The following TBL1XR1 variants were observed in gnomAD, a reference collection of about 807,000 sequenced individuals.
TBL1XR1 encodes F-box-like/WD repeat-containing protein TBL1XR1.
In TBL1XR1, 5 loss-of-function variants were observed where a neutral mutation model predicts 66.9. That is an observed-to-expected ratio of 0.07 (90% CI 0.04 to 0.16). TBL1XR1 has a LOEUF of 0.16. Among genes scored for constraint, TBL1XR1 ranks in the 10% least tolerant of loss-of-function variants. TBL1XR1 has a pLI of 1.00. For missense variants in TBL1XR1, 238 were observed against 623.2 expected (o/e 0.38, Z 6.58); for synonymous variants, 210 against 206.0 (o/e 1.02, Z -0.17).
intron 1 of TBL1XR1, among the ~76,000 whole-genome samples, chr3:177,155,098 T>C (rs1731334745): frequency 6.6e-6 from 1 of 152,096 alleles, no homozygotes; most frequent in African/African-American, 2.4e-5. Flanking sequence ...CCAAAAATAG[T>C]AAAATGCAGC....
chr3:177,129,066 A>G (rs761803525), intron 1 of TBL1XR1, among the ~76,000 whole-genome samples: 4 of 152,224 alleles, frequency 2.6e-5, no homozygotes, highest in Non-Finnish European at 4.4e-5. Context: ...TGATGACATT[A>G]AAGTGTAATC....
intron 1 of TBL1XR1, among the ~76,000 whole-genome samples, chr3:177,166,247 A>G (rs1198545375): frequency 6.6e-6 from 1 of 152,174 alleles, no homozygotes; most frequent in East Asian, 1.9e-4. Context: ...TAACAATGAT[A>G]ATGAGATAAA....
intron 1 of TBL1XR1, among the ~76,000 whole-genome samples, chr3:177,107,096 T>C (rs570198474): frequency 6.6e-6 from 1 of 151,976 alleles, no homozygotes; most frequent in Non-Finnish European, 1.5e-5. Flanking sequence ...TAGAATGCAA[T>C]AGGCCTCTTT....
At chr3:177,058,394 T>C (rs1278788786) in intron 3 of TBL1XR1, among the ~76,000 whole-genome samples, 1 of 152,232 alleles carries the variant, frequency 6.6e-6, no homozygotes, top group Non-Finnish European at 1.5e-5. Flanking sequence ...ACACTAGCTA[T>C]AAAATTTCGT....
At chr3:177,184,205 CA>C (rs1735147321) in intron 1 of TBL1XR1, among the ~76,000 whole-genome samples, 1 of 152,110 alleles carries the variant, frequency 6.6e-6, no homozygotes, top group African/African-American at 2.4e-5. Flanking sequence ...CAACTGCAAC[CA>C]AAAATAGCAT....
At chr3:177,175,496 G>A (rs548172662) in intron 1 of TBL1XR1, among the ~76,000 whole-genome samples, 14 of 152,204 alleles carry the variant, frequency 9.2e-5, no homozygotes, top group African/African-American at 3.4e-4. Context: ...CCTGGAAAAC[G>A]CAAATGTTTT....
At chr3:177,082,460 C>T (rs1359300745) in intron 2 of TBL1XR1, among the ~76,000 whole-genome samples, 3 of 151,422 alleles carry the variant, frequency 2.0e-5, no homozygotes, top group Non-Finnish European at 4.4e-5. Context: ...TTACTTTTCT[C>T]TCATCCCCAC....
At chr3:177,084,098 A>G (rs1560155830) in intron 2 of TBL1XR1, among the ~76,000 whole-genome samples, 2 of 150,586 alleles carry the variant, frequency 1.3e-5, no homozygotes, top group East Asian at 1.9e-4. Flanking sequence ...AAAAAAAAAA[A>G]AAAAGAAAAA....
chr3:177,177,625 A>G (rs894256534), intron 1 of TBL1XR1, among the ~76,000 whole-genome samples: 1 of 152,132 alleles, frequency 6.6e-6, no homozygotes, highest in East Asian at 1.9e-4. Context: ...CCAAATTTCA[A>G]CATTTAGTAA....
chr3:177,169,013 G>A (rs933008470), intron 1 of TBL1XR1, among the ~76,000 whole-genome samples: 1 of 151,962 alleles, frequency 6.6e-6, no homozygotes, highest in Admixed American at 6.6e-5. Context: ...ATTATTTTAG[G>A]ATTCTTGAAT....
At chr3:177,176,483 C>T (rs1445752460) in intron 1 of TBL1XR1, among the ~76,000 whole-genome samples, 4 of 150,920 alleles carry the variant, frequency 2.7e-5, no homozygotes, top group African/African-American at 9.7e-5. Flanking sequence ...ATGTGTGAGC[C>T]ACTGGTTAAT....
chr3:177,164,283 C>A (rs564779621), intron 1 of TBL1XR1, among the ~76,000 whole-genome samples: 1 of 152,152 alleles, frequency 6.6e-6, no homozygotes, highest in East Asian at 1.9e-4. Flanking sequence ...CCTGCAAAGA[C>A]CTTCAAATGG....
intron 1 of TBL1XR1, among the ~76,000 whole-genome samples, chr3:177,174,001 C>T (rs1324779324): frequency 2.0e-5 from 3 of 152,064 alleles, no homozygotes; most frequent in African/African-American, 4.8e-5. Context: ...GAAAAAGGGA[C>T]TAATCCGAAA....
intron 1 of TBL1XR1, among the ~76,000 whole-genome samples, chr3:177,143,410 GC>G (rs1729859989): frequency 6.6e-6 from 1 of 151,922 alleles, no homozygotes; most frequent in Non-Finnish European, 1.5e-5. Flanking sequence ...AATATTATAG[GC>G]AAAGATATTA....
At chr3:177,168,235 T>A (rs1395335382) in intron 1 of TBL1XR1, among the ~76,000 whole-genome samples, 1 of 152,024 alleles carries the variant, frequency 6.6e-6, no homozygotes, top group Non-Finnish European at 1.5e-5. Flanking sequence ...AATACATTAC[T>A]ACTTGAAGTT....
intron 6 of TBL1XR1, 135 bp from the exon 7 acceptor site, chr3:177,050,273 C>G: frequency 7.6e-7 from 1 of 1,314,258 alleles, no homozygotes; most frequent in Non-Finnish European, 1.0e-6. Context: ...GTATTTTTCC[C>G]ATTCTACACG....
chr3:177,081,366 G>A (rs1721366089), intron 2 of TBL1XR1, among the ~76,000 whole-genome samples: 1 of 151,802 alleles, frequency 6.6e-6, no homozygotes, highest in African/African-American at 2.4e-5. Context: ...AACTCTTTAG[G>A]GTTCTATTTT....
intron 1 of TBL1XR1, among the ~76,000 whole-genome samples, chr3:177,164,713 G>C (rs74388196): frequency 0.016 from 2,391 of 152,240 alleles, 55 homozygotes; most frequent in African/African-American, 0.055. Context: ...GATGTCTCAT[G>C]TTCACGAACT....
chr3:177,196,764 G>T, intron 1 of TBL1XR1, among the ~76,000 whole-genome samples: 1 of 151,884 alleles, frequency 6.6e-6, no homozygotes, highest in East Asian at 1.9e-4. Flanking sequence ...GCACAAAAAG[G>T]GGGTGTAAAT....
Sources: allele counts gnomAD v4.1 joint callset (sites outside exome capture counted in the v4.1 genomes callset), GRCh38; gene constraint gnomAD v4.1.1; transcripts MANE v1.5; gene names NCBI Gene and HGNC (gene_info 2026-07-23, HGNC 2026-07-21).